The following FGF13 variants were observed in gnomAD, a reference collection of about 807,000 sequenced individuals.
The protein encoded by FGF13 is fibroblast growth factor 13.
In FGF13, 2 loss-of-function variants were observed where a neutral mutation model predicts 19.5. That is an observed-to-expected ratio of 0.10 (90% CI 0.04 to 0.32). The LOEUF is 0.32. FGF13 is among the 10% of genes least tolerant of loss of function. The probability of loss-of-function intolerance (pLI) is 1.00; values close to 1 mark genes in which losing one functional copy is unlikely to be tolerated. For synonymous variants in FGF13, 72 were observed against 76.9 expected (o/e 0.94, Z 0.33); for missense variants, 113 against 192.7 (o/e 0.59, Z 2.45).
At chrX:139,068,826 A>T (rs764108108) in intron 1 of FGF13, among the ~76,000 whole-genome samples, 1 of 111,690 alleles carries the variant, frequency 9.0e-6, no homozygotes, top group South Asian at 3.8e-4. Context: ...TGATTTTTGT[A>T]CATTGATTTT....
intron 2 of FGF13, among the ~76,000 whole-genome samples, chrX:138,704,156 A>G (rs2089973622): frequency 8.9e-6 from 1 of 112,002 alleles, no homozygotes; most frequent in Non-Finnish European, 1.9e-5. Flanking sequence ...TATTATTATT[A>G]TTTTAGCAAA....
At chrX:138,959,491 T>C (rs747361230) in intron 1 of FGF13, among the ~76,000 whole-genome samples, 9 of 112,105 alleles carry the variant, frequency 8.0e-5, no homozygotes, top group South Asian at 3.7e-4. Context: ...GAACAATGTA[T>C]ATTCTGTTGA....
At chrX:139,204,287 G>C (rs2084446085), upstream of FGF13, 1 of 441,570 alleles carries the variant, frequency 2.3e-6, no homozygotes, top group Non-Finnish European at 3.9e-6. Flanking sequence ...AGAGAGTGGG[G>C]AGGAAAGGAA....
intron 3 of FGF13, among the ~76,000 whole-genome samples, chrX:138,799,740 G>C (rs979348618): frequency 2.7e-5 from 3 of 109,666 alleles, no homozygotes; most frequent in Non-Finnish European, 5.8e-5. Flanking sequence ...AAGTGGGTGT[G>C]TATATATGCA....
At chrX:138,796,852 GTCT>G (rs761658242) in intron 3 of FGF13, among the ~76,000 whole-genome samples, 1 of 112,195 alleles carries the variant, frequency 8.9e-6, no homozygotes, top group African/African-American at 3.2e-5. Flanking sequence ...CCGCATAAAT[GTCT>G]TCTTTTGAGA....
intron 3 of FGF13, among the ~76,000 whole-genome samples, chrX:138,747,529 C>T (rs1334379890): frequency 2.7e-5 from 3 of 111,598 alleles, no homozygotes; most frequent in Non-Finnish European, 5.7e-5. Context: ...TGAGAAACTC[C>T]GGAATAAACA....
At chrX:138,748,493 C>G (rs778731267) in intron 3 of FGF13, among the ~76,000 whole-genome samples, 6 of 111,612 alleles carry the variant, frequency 5.4e-5, no homozygotes, top group African/African-American at 1.9e-4. Flanking sequence ...AGAAACCAAC[C>G]TAACAGTACC....
chrX:139,201,316 C>T (rs1313141985), intron 1 of FGF13, among the ~76,000 whole-genome samples: 3 of 112,037 alleles, frequency 2.7e-5, no homozygotes, highest in African/African-American at 9.7e-5. Context: ...AACCTACTAC[C>T]TGTGCTTTAA....
chrX:138,752,900 T>C (rs995482026), intron 3 of FGF13, among the ~76,000 whole-genome samples: 1 of 112,369 alleles, frequency 8.9e-6, no homozygotes, highest in Non-Finnish European at 1.9e-5. Flanking sequence ...AAGGTATCTA[T>C]GTTTGAATCT....
chrX:139,190,452 G>A (rs994351416), intron 1 of FGF13, among the ~76,000 whole-genome samples: 5 of 111,667 alleles, frequency 4.5e-5, no homozygotes, highest in Non-Finnish European at 9.4e-5. Context: ...GAGTAACAGA[G>A]GCCACCTGCC....
chrX:139,068,747 A>G (rs2092365907), intron 1 of FGF13, among the ~76,000 whole-genome samples: 1 of 110,266 alleles, frequency 9.1e-6, no homozygotes, highest in Non-Finnish European at 1.9e-5. Context: ...TCTTTGAAGC[A>G]ATTGTGAATG....
chrX:138,877,185 C>T (rs770272975), intron 1 of FGF13, among the ~76,000 whole-genome samples: 2 of 107,235 alleles, frequency 1.9e-5, no homozygotes, highest in South Asian at 4.2e-4. Context: ...CCATGGCACA[C>T]GTATACCTAT....
At chrX:138,768,727 T>C (rs1295578013) in intron 3 of FGF13, among the ~76,000 whole-genome samples, 10 of 96,655 alleles carry the variant, frequency 1.0e-4, no homozygotes, top group African/African-American at 3.9e-4. Flanking sequence ...AAGTATATAT[T>C]ATATATATAT....
chrX:138,646,708 C>T (rs1273064778), intron 3 of FGF13, among the ~76,000 whole-genome samples: 1 of 111,583 alleles, frequency 9.0e-6, no homozygotes, highest in Non-Finnish European at 1.9e-5. Context: ...CAGGAAATGA[C>T]CCTAGAGCAC....
chrX:138,838,426 G>T (rs989509827), intron 3 of FGF13, among the ~76,000 whole-genome samples: 4 of 111,654 alleles, frequency 3.6e-5, no homozygotes, highest in Non-Finnish European at 5.6e-5. Flanking sequence ...AGGTCCCAGT[G>T]GAGTGGATTC....
chrX:139,202,535 G>A (rs1005037217), intron 1 of FGF13, among the ~76,000 whole-genome samples: 2 of 111,638 alleles, frequency 1.8e-5, no homozygotes, highest in East Asian at 2.8e-4. Context: ...ACAATGACCC[G>A]TATGACAACG....
intron 1 of FGF13, among the ~76,000 whole-genome samples, chrX:139,195,977 C>T (rs2084367673): frequency 9.0e-6 from 1 of 111,580 alleles, no homozygotes; most frequent in East Asian, 2.8e-4. Context: ...AAATGAAAAT[C>T]TTTCAATGAG....
intron 1 of FGF13, among the ~76,000 whole-genome samples, chrX:139,108,714 A>T (rs931899517): frequency 4.6e-5 from 5 of 109,860 alleles, no homozygotes; most frequent in Non-Finnish European, 9.5e-5. Flanking sequence ...CATGAGCAGG[A>T]TGTGTAGGTT....
At chrX:138,984,029 G>C (rs2091975713) in intron 1 of FGF13, among the ~76,000 whole-genome samples, 1 of 111,734 alleles carries the variant, frequency 8.9e-6, no homozygotes, top group Non-Finnish European at 1.9e-5. Context: ...AAAATGAGGA[G>C]CTTTGACTAG....
Sources: allele counts gnomAD v4.1 joint callset (sites outside exome capture counted in the v4.1 genomes callset), GRCh38; gene constraint gnomAD v4.1.1; transcripts MANE v1.5; gene names NCBI Gene and HGNC (gene_info 2026-07-23, HGNC 2026-07-21).